C12orf42: variants seen among roughly 807,000 people sequenced by gnomAD.
C12orf42 encodes uncharacterized protein C12orf42.
A neutral mutation model predicts 21.6 loss-of-function variants in C12orf42; 25 were observed. The observed-to-expected ratio is 1.16, with a 90% CI of 0.84 to 1.62. The LOEUF (loss-of-function observed/expected upper bound fraction) is 1.62, where lower values mean the gene tolerates loss of function less well. Among genes scored for constraint, C12orf42 ranks in the 40% most tolerant of loss-of-function variants. The pLI, the probability that C12orf42 is intolerant of heterozygous loss-of-function variation, is 0.00. For missense variants in C12orf42, 483 were observed against 459.3 expected, an observed-to-expected ratio of 1.05 and a Z score of -0.47; for synonymous variants, 174 against 175.0, an observed-to-expected ratio of 0.99 and a Z score of 0.05.
intron 4 of C12orf42, among the ~76,000 whole-genome samples, chr12:103,279,214 G>C (rs1392926654): frequency 6.6e-6 from 1 of 151,906 alleles, no homozygotes; most frequent in African/African-American, 2.4e-5. Context: ...TAGATCTCAA[G>C]TTAAGTGTTC....
intron 4 of C12orf42, among the ~76,000 whole-genome samples, chr12:103,347,216 C>A (rs1161105886): frequency 6.6e-6 from 1 of 152,132 alleles, no homozygotes; most frequent in East Asian, 1.9e-4. Flanking sequence ...CCCCCCACCC[C>A]CTGACAGGCC....
chr12:103,532,114 A>C, the C12orf42 span, among the ~76,000 whole-genome samples: 2 of 152,206 alleles, frequency 1.3e-5, no homozygotes, highest in Admixed American at 1.3e-4. Context: ...GCAAATGTTA[A>C]TATCTCCATT....
the C12orf42 span, among the ~76,000 whole-genome samples, chr12:103,209,622 T>G: frequency 6.6e-6 from 1 of 152,186 alleles, no homozygotes; most frequent in Non-Finnish European, 1.5e-5. Flanking sequence ...AGACACAGAA[T>G]TAGGACCGTT....
chr12:103,201,946 A>G, the C12orf42 span, among the ~76,000 whole-genome samples: 1 of 152,230 alleles, frequency 6.6e-6, no homozygotes, highest in Non-Finnish European at 1.5e-5. Flanking sequence ...AAAGCAAGAA[A>G]TGTGCATCAA....
At chr12:103,216,602 T>C in the C12orf42 span, among the ~76,000 whole-genome samples, 1 of 151,814 alleles carries the variant, frequency 6.6e-6, no homozygotes, top group Admixed American at 6.6e-5. Context: ...ATAGTCTCGA[T>C]CTCCTGACCT....
chr12:103,198,407 G>A, the C12orf42 span, among the ~76,000 whole-genome samples: 2 of 152,278 alleles, frequency 1.3e-5, no homozygotes, highest in Non-Finnish European at 2.9e-5. Context: ...ACAGATTGGT[G>A]CTCAGACCAG....
chr12:103,482,032 C>T (rs1954508914), intron 1 of C12orf42, among the ~76,000 whole-genome samples: 1 of 151,902 alleles, frequency 6.6e-6, no homozygotes, highest in African/African-American at 2.4e-5. Flanking sequence ...TGTTGTTGTC[C>T]AATATTTTAG....
At chr12:103,052,076 T>C in the C12orf42 span, among the ~76,000 whole-genome samples, 2 of 152,208 alleles carry the variant, frequency 1.3e-5, no homozygotes, top group Non-Finnish European at 2.9e-5. Context: ...TGTTCATTAA[T>C]ATTTAACAGT....
the C12orf42 span, among the ~76,000 whole-genome samples, chr12:103,105,005 C>T: frequency 6.6e-6 from 1 of 152,268 alleles, no homozygotes; most frequent in Non-Finnish European, 1.5e-5. Flanking sequence ...GCAGGTGTGG[C>T]GTGTTAATGC....
chr12:103,475,822 A>G (rs1300889600), intron 2 of C12orf42, among the ~76,000 whole-genome samples: 10 of 152,350 alleles, frequency 6.6e-5, no homozygotes. Flanking sequence ...TTTTGAGCAA[A>G]TTTAATAGCT....
chr12:103,216,141 T>C, the C12orf42 span, among the ~76,000 whole-genome samples: 1 of 152,216 alleles, frequency 6.6e-6, no homozygotes, highest in Non-Finnish European at 1.5e-5. Context: ...ATAAATTTTC[T>C]CTCTGTCTTT....
the C12orf42 span, among the ~76,000 whole-genome samples, chr12:103,086,411 A>T: frequency 6.6e-6 from 1 of 151,574 alleles, no homozygotes; most frequent in African/African-American, 2.4e-5. Context: ...TTCATAGCAA[A>T]CCAAAGGAAA....
the C12orf42 span, among the ~76,000 whole-genome samples, chr12:103,543,957 G>A: frequency 3.3e-4 from 50 of 150,468 alleles, 1 homozygote; most frequent in Admixed American, 1.2e-3. Context: ...GCAGTGGCGC[G>A]ATCTCAGCTC....
the C12orf42 span, among the ~76,000 whole-genome samples, chr12:103,145,036 T>C: frequency 1.3e-5 from 2 of 152,174 alleles, no homozygotes; most frequent in Non-Finnish European, 2.9e-5. Flanking sequence ...CTGTCTTCAG[T>C]AGACATCATC....
chr12:103,054,129 A>G, the C12orf42 span, among the ~76,000 whole-genome samples: 56 of 151,952 alleles, frequency 3.7e-4, no homozygotes, highest in African/African-American at 1.3e-3. Context: ...AAGAAATCTT[A>G]CTGGGATTTT....
chr12:103,079,454 C>A, the C12orf42 span, among the ~76,000 whole-genome samples: 1 of 152,106 alleles, frequency 6.6e-6, no homozygotes, highest in Non-Finnish European at 1.5e-5. Flanking sequence ...GAAGCTAAAC[C>A]TACAGTTAAT....
the C12orf42 span, among the ~76,000 whole-genome samples, chr12:103,102,934 C>G: frequency 6.6e-6 from 1 of 152,138 alleles, no homozygotes; most frequent in Admixed American, 6.5e-5. Flanking sequence ...TGGCCATCAA[C>G]TGGAGACCAC....
At chr12:103,547,446 G>A in the C12orf42 span, among the ~76,000 whole-genome samples, 16 of 152,304 alleles carry the variant, frequency 1.1e-4, no homozygotes, top group South Asian at 1.9e-3. Context: ...CAATCAGGTC[G>A]TGATTGTCTA....
the C12orf42 span, among the ~76,000 whole-genome samples, chr12:103,216,830 A>G: frequency 2.6e-5 from 4 of 151,466 alleles, no homozygotes; most frequent in African/African-American, 9.7e-5. Flanking sequence ...GTAAGCCAAG[A>G]CCTAATTTCT....
Sources: allele counts gnomAD v4.1 joint callset (sites outside exome capture counted in the v4.1 genomes callset), GRCh38; gene constraint gnomAD v4.1.1; transcripts MANE v1.5; gene names NCBI Gene and HGNC (gene_info 2026-07-23, HGNC 2026-07-21).